EPS15L1: variants seen among roughly 807,000 people sequenced by gnomAD.
EPS15L1 encodes the protein epidermal growth factor receptor pathway substrate 15 like 1, also known as epidermal growth factor receptor substrate 15-like 1.
Under a neutral mutation model 117.1 loss-of-function variants are expected in EPS15L1, and 43 were observed. The observed-to-expected ratio is 0.37, with a 90% CI of 0.29 to 0.47. The LOEUF (loss-of-function observed/expected upper bound fraction) is 0.47, where lower values mean the gene tolerates loss of function less well. Among genes scored for constraint, EPS15L1 ranks in the 20% least tolerant of loss-of-function variants. The pLI is 0.99. For synonymous variants in EPS15L1, 459 were observed against 470.5 expected (o/e 0.98, Z 0.32); for missense variants, 981 against 1,164.0 (o/e 0.84, Z 2.29).
At chr19:16,418,898 C>G (rs537002477) in intron 10 of EPS15L1, among the ~76,000 whole-genome samples, 2 of 152,210 alleles carry the variant, frequency 1.3e-5, no homozygotes, top group South Asian at 2.1e-4. Context: ...TTCCACCCCC[C>G]AGAGCCGTGA....
chr19:16,439,366 T>C (rs1186122777), intron 4 of EPS15L1, among the ~76,000 whole-genome samples: 1 of 152,162 alleles, frequency 6.6e-6, no homozygotes, highest in Non-Finnish European at 1.5e-5. Context: ...AAGTCAAATT[T>C]ATTTTCCATA....
At chr19:16,368,142 G>A (rs1438373684) in intron 22 of EPS15L1, among the ~76,000 whole-genome samples, 2 of 152,160 alleles carry the variant, frequency 1.3e-5, no homozygotes, top group Non-Finnish European at 2.9e-5. Flanking sequence ...GGTCAGGGAA[G>A]CTGCCCACCT....
At chr19:16,373,319 G>C (rs907296815) in intron 22 of EPS15L1, among the ~76,000 whole-genome samples, 1 of 152,154 alleles carries the variant, frequency 6.6e-6, no homozygotes, top group Non-Finnish European at 1.5e-5. Context: ...GAAGCCCTGG[G>C]GTGGCCAGGG....
chr19:16,449,935 A>G (rs748106010), intron 1 of EPS15L1, among the ~76,000 whole-genome samples: 8 of 152,222 alleles, frequency 5.3e-5, no homozygotes, highest in Non-Finnish European at 1.0e-4. Flanking sequence ...ATCACATAAC[A>G]TCATTAAAAT....
At chr19:16,368,321 TACACA>T (rs2092168103) in intron 22 of EPS15L1, among the ~76,000 whole-genome samples, 1 of 152,078 alleles carries the variant, frequency 6.6e-6, no homozygotes, top group African/African-American at 2.4e-5. Context: ...TCATTGATCC[TACACA>T]ACAGGGGACA....
chr19:16,389,180 G>A (rs537101272), intron 19 of EPS15L1, among the ~76,000 whole-genome samples: 1 of 151,960 alleles, frequency 6.6e-6, no homozygotes, highest in Admixed American at 6.6e-5. Flanking sequence ...ATAGCTGGGT[G>A]AAGTGACTCA....
intron 1 of EPS15L1, among the ~76,000 whole-genome samples, chr19:16,461,319 A>AAAAG (rs887912045): frequency 0.012 from 1,738 of 143,122 alleles, 33 homozygotes; most frequent in African/African-American, 0.043. Flanking sequence ...AAAAAAAAAA[A>AAAAG]AAAGAAAGAA....
At chr19:16,356,626 C>T (rs969840387) in intron 23 of EPS15L1, 2 of 152,184 alleles carry the variant, frequency 1.3e-5, no homozygotes, top group African/African-American at 4.8e-5. Flanking sequence ...GTCAATTTCT[C>T]CCAGAACACT....
intron 22 of EPS15L1, among the ~76,000 whole-genome samples, chr19:16,375,695 C>A (rs553629985): frequency 6.6e-6 from 1 of 152,166 alleles, no homozygotes; most frequent in East Asian, 1.9e-4. Flanking sequence ...GATCTCTTTA[C>A]GCATCTGTAT....
At chr19:16,373,273 G>C (rs2092250166) in intron 22 of EPS15L1, among the ~76,000 whole-genome samples, 1 of 152,096 alleles carries the variant, frequency 6.6e-6, no homozygotes, top group Non-Finnish European at 1.5e-5. Flanking sequence ...AGCCACGCTG[G>C]GACCCACGCA....
At chr19:16,417,676 C>T (rs1488461817) in intron 11 of EPS15L1, 39 bp from the exon 12 acceptor site, 1 of 1,518,302 alleles carries the variant, frequency 6.6e-7, no homozygotes, top group South Asian at 1.1e-5. Flanking sequence ...TAATTAGCAA[C>T]CTGACATCAC....
chr19:16,365,372 G>A lies in EPS15L1; in HGVS notation c.2381-3388C>T, dbSNP rs1236497041. Among the ~76,000 whole-genome samples the A allele has an allele frequency of 6.6e-6, 1 of 152,192 alleles. No individual in the cohort carries two copies. The highest frequency in any genetic ancestry group is 1.5e-5 in the Non-Finnish European group (1 of 68,020). On this transcript the variant is annotated intron_variant, in intron 22 of 23. Transcript: ENST00000455140. The surrounding 1 kb of genome is among the most constrained non-coding windows in gnomAD (Gnocchi z 4.9). ...GTTAAAACGAAGTCAAAGGATCAAT[G>A]ACTGTCTTCACTGAAAGAACTTAGG...
chr19:16,447,249 G>T (rs1346571299), intron 1 of EPS15L1, among the ~76,000 whole-genome samples: 1 of 152,198 alleles, frequency 6.6e-6, no homozygotes, highest in Non-Finnish European at 1.5e-5. Context: ...TCCTGGACTG[G>T]ATGGGCAGCT....
At position 16,421,449 on chromosome 19, in the gene EPS15L1, C is replaced by T. The variant is rs550236463; in HGVS notation, c.820G>A (p.Ala274Thr). The T allele has an allele frequency of 9.9e-6, 16 of 1,613,616 alleles. No individual in the cohort carries two copies. In the African/African-American group the frequency reaches 1.1e-4, roughly 11 times the overall value. ...QPTVNWVVPV[A>T]DKMRFDEIFL... ...ATCTCATCAAATCGCATCTTGTCTG[C>T]CACGGGCACCACCCAGTTCACTGTT... is the stretch of plus-strand genomic sequence containing the variant. The change falls in exon 10 of 24, where the codon GCA (alanine) becomes ACA (threonine). Residue 274 changes from alanine to threonine, a missense_variant. By Grantham distance (58) the Ala-to-Thr change is moderately conservative. Coordinates refer to ENST00000455140, the MANE Select transcript of EPS15L1 (RefSeq NM_001258374.3).
intron 1 of EPS15L1, among the ~76,000 whole-genome samples, chr19:16,465,202 T>C (rs1353104837): frequency 6.6e-6 from 1 of 152,170 alleles, no homozygotes; most frequent in South Asian, 2.1e-4. Context: ...AAGCTTGGCC[T>C]ACACCAAACA....
chr19:16,398,439 C>G (rs540765615), intron 16 of EPS15L1, among the ~76,000 whole-genome samples: 1 of 152,076 alleles, frequency 6.6e-6, no homozygotes, highest in African/African-American at 2.4e-5. Flanking sequence ...AAGACACACA[C>G]GCCCAGCAAG....
chr19:16,390,397 A>C (rs1326235411), intron 19 of EPS15L1, among the ~76,000 whole-genome samples: 1 of 152,238 alleles, frequency 6.6e-6, no homozygotes, highest in Non-Finnish European at 1.5e-5. Flanking sequence ...AGTATGAACA[A>C]TTCCACAATC....
intron 23 of EPS15L1, 77 bp from the exon 24 acceptor site, chr19:16,355,928 G>A (rs986420200): frequency 8.7e-6 from 13 of 1,492,580 alleles, no homozygotes; most frequent in African/African-American, 4.1e-5. Flanking sequence ...CAGGGAATGC[G>A]TGGGAGGGGT....
chr19:16,453,668 G>A (rs2093167795), intron 1 of EPS15L1, among the ~76,000 whole-genome samples: 2 of 151,682 alleles, frequency 1.3e-5, no homozygotes, highest in South Asian at 4.2e-4. Flanking sequence ...AGCCGACATC[G>A]AGCCACTGCA....
Sources: gnomAD v4.1 joint callset for allele counts (sites outside exome capture counted in the v4.1 genomes callset) on GRCh38, gnomAD v4.1.1 for gene constraint, Gnocchi (gnomAD v3.1) non-coding constraint, MANE v1.5 for transcripts, NCBI Gene and HGNC (gene_info 2026-07-23, HGNC 2026-07-21) for gene names.